The following ARAP3 variants were observed in gnomAD, a reference collection of about 807,000 sequenced individuals.
ARAP3 encodes the protein arf-GAP with Rho-GAP domain, ANK repeat and PH domain-containing protein 3.
Under a neutral mutation model 169.2 loss-of-function variants are expected in ARAP3, and 82 were observed. The observed-to-expected ratio is 0.48, with a 90% CI of 0.41 to 0.58. The LOEUF (loss-of-function observed/expected upper bound fraction) is 0.58, where lower values mean the gene tolerates loss of function less well. ARAP3 is among the 20% of genes least tolerant of loss of function. The pLI is 0.00. For synonymous variants in ARAP3, 791 were observed against 800.3 expected, an observed-to-expected ratio of 0.99 and a Z score of 0.20; for missense variants, 1,764 against 2,018.0, an observed-to-expected ratio of 0.87 and a Z score of 2.41.
chr5:141,669,074 G>A (rs1323791116), intron 16 of ARAP3, among the ~76,000 whole-genome samples: 1 of 152,170 alleles, frequency 6.6e-6, no homozygotes, highest in Non-Finnish European at 1.5e-5. Context: ...AGGGCTTGCT[G>A]TGTGTGGGCC....
At chr5:141,654,496 C>G (rs997913083) in intron 32 of ARAP3, 61 bp from the exon 33 acceptor site, 3 of 1,507,826 alleles carry the variant, frequency 2.0e-6, no homozygotes, top group Non-Finnish European at 2.6e-6. Flanking sequence ...TTATGAATCA[C>G]TAACATTTAC....
In ARAP3 at chr5:141,666,530, T is replaced by C; in HGVS notation, c.2466A>G (p.Ser822=). The C allele has an allele frequency of 6.2e-7, 1 of 1,601,094 alleles. No homozygotes were observed. The highest frequency in any genetic ancestry group is 8.5e-7 in the Non-Finnish European group (1 of 1,174,216). The part of the protein sequence containing the change: ...HTAPAPGLWL[S]GFGLLRGDHL... ...GGTCACCACGAAGGAGGCCAAACCCTGACAGCCAGAGACCAGGGGCCGGGG... is the reference window on the plus strand; with the variant it reads ...GGTCACCACGAAGGAGGCCAAACCCCGACAGCCAGAGACCAGGGGCCGGGG... The change falls in exon 17 of 33, where the codon TCA becomes TCG. Residue 822 remains serine, a synonymous_variant. Transcript: ENST00000239440.
At chr5:141,675,722 CAA>C (rs34858399) in intron 4 of ARAP3, among the ~76,000 whole-genome samples, 2 of 138,372 alleles carry the variant, frequency 1.4e-5, no homozygotes, top group African/African-American at 2.6e-5. Context: ...GACTCTGTCA[CAA>C]AAAAAAAAAA....
In ARAP3 at chr5:141,656,204, G is replaced by C. The variant is rs1239543237; in HGVS notation, c.3862C>G (p.Pro1288Ala). ...VYLGIRKKLK[P>A]PTPWGFTLIL... ...GGGAAGAAAACTCACGGTGTTGGGG[G>C]CTTTAACTTCTTGCGGATTCCCAGG... The change falls in exon 28 of 33, where the codon CCC becomes GCC. Residue 1288 changes from proline (P) to alanine (A), a missense_variant. By Grantham distance (27) the Pro-to-Ala change is conservative (BLOSUM62 -1). This residue lies in a region of ARAP3 where 1,112 missense variants were observed against 1,285.7 expected (regional missense o/e 0.86). Transcript: ENST00000239440. 6.2e-7 allele frequency: 1 copy of C among 1,614,104 alleles called. No individual in the cohort carries two copies.
In ARAP3 at chr5:141,671,533, C is replaced by T. The variant is rs763834421; in HGVS notation, c.1854+37G>A. On this transcript the variant is annotated intron_variant, in intron 12 of 32. Coordinates refer to ENST00000239440, the MANE Select transcript of ARAP3 (RefSeq NM_022481.6). The surrounding 1 kb of genome is among the most constrained non-coding windows in gnomAD (Gnocchi z 4.9). ...CAACTCCAGAGAGTGTTTCCTGACC[C>T]CCCCACCCCAGATCACCCCTGCTCT... 26 of 1,611,674 alleles carry T rather than the reference C, an allele frequency of 1.6e-5. No homozygotes were observed. In the South Asian group the frequency reaches 2.6e-4, roughly 16 times the overall value.
At chr5:141,670,740 G>T in intron 13 of ARAP3, 112 bp from the exon 14 acceptor site, 1 of 846,484 alleles carries the variant, frequency 1.2e-6, no homozygotes, top group Non-Finnish European at 1.9e-6. Flanking sequence ...TCCACTGCCA[G>T]CACAGCCAAG....
rs2099909279 is a variant in ARAP3 at position 141,656,393 on chromosome 5, G to A, written c.3789+111C>T. The A allele has an allele frequency of 1.9e-6, 3 of 1,589,840 alleles. No homozygotes were observed. In the South Asian group the frequency reaches 3.4e-5, roughly 18 times the overall value. ...ACAGGGTCACAGAAGTCGGGGGCAG[G>A]GAAGCAATGAGATTGATGAGAGTAT... On this transcript the variant is annotated intron_variant, in intron 27 of 32. Coordinates refer to ENST00000239440, the MANE Select transcript of ARAP3 (RefSeq NM_022481.6).
intron 21 of ARAP3, among the ~76,000 whole-genome samples, chr5:141,661,354 C>T (rs768527866): frequency 2.6e-5 from 4 of 152,206 alleles, no homozygotes; most frequent in Middle Eastern, 3.2e-3. Context: ...TGAGACACCA[C>T]GCGCCCAGCC....
In ARAP3 at chr5:141,661,838, G is replaced by A. The variant is rs201006466; in HGVS notation, c.3014-49C>T. 8 of 1,592,902 alleles carry A rather than the reference G, an allele frequency of 5.0e-6. No individual in the cohort carries two copies. The East Asian group carries it at 1.6e-4, about 31-fold the overall frequency. ...TGGGGAGGACCCGGGAAGAAAGAGT[G>A]GCAGCTGGTACAGAGGGAGGGATTT... On this transcript the variant is annotated intron_variant, in intron 20 of 32. Coordinates refer to ENST00000239440, the MANE Select transcript of ARAP3 (RefSeq NM_022481.6).
chr5:141,666,514 GA>G lies in ARAP3; in HGVS notation c.2481del (p.Arg828ValfsTer87). 6.2e-7 allele frequency: 1 copy of G among 1,604,316 alleles called. No homozygotes were observed. The highest frequency in any genetic ancestry group is 8.5e-7 in the Non-Finnish European group (1 of 1,175,624). On this transcript the variant is annotated frameshift_variant, in exon 17 of 33. Coordinates refer to ENST00000239440, the MANE Select transcript of ARAP3 (RefSeq NM_022481.6). LOFTEE classifies it high-confidence loss of function. ...GAGCACAGGAAGAGGTGGTCACCAC[GA>G]AGGAGGCCAAACCCTGACAGCCAGA... ...PGLWLSGFGL[L>X]RGDHLFLCSA... is the part of the protein sequence containing the mutation.
rs749770020 is a variant in ARAP3, at chr5:141,664,887, C to T, written c.2800+35G>A. 58 of 521,646 alleles carry T rather than the reference C, an allele frequency of 1.1e-4. No individual in the cohort carries two copies. The Middle Eastern group carries it at 2.3e-3, about 20-fold the overall frequency. The allele number at this position is 521,646 out of a possible 1,614,324, so 32.3% of individuals were successfully genotyped here. A position where few individuals can be genotyped will look rare whatever the true frequency, so the allele number is the denominator to read the frequency against. On this transcript the variant is annotated intron_variant, in intron 19 of 32. Coordinates refer to ENST00000239440, the MANE Select transcript of ARAP3 (RefSeq NM_022481.6). ...CCCCCTCATCACCCCCACCCCCCACCCCCATTGGCTCAGTACCAGCCAGTG... is the reference window on the plus strand; with the variant it reads ...CCCCCTCATCACCCCCACCCCCCACTCCCATTGGCTCAGTACCAGCCAGTG...
At chr5:141,678,639 C>A (rs952326682) in intron 4 of ARAP3, among the ~76,000 whole-genome samples, 2 of 151,814 alleles carry the variant, frequency 1.3e-5, no homozygotes, top group Non-Finnish European at 2.9e-5. Flanking sequence ...AGGCGTCCAC[C>A]ACCGCACCTG....
At position 141,671,337 on chromosome 5, in the gene ARAP3, C is replaced by G; in HGVS notation, c.1918G>C (p.Glu640Gln). Reference sequence around the variant, plus strand: ...CAGGGCTCCTCGCCTTCAAAGGCCTCAACACAGAGGAGCTGGGTCATGTTC... The same window carrying G: ...CAGGGCTCCTCGCCTTCAAAGGCCTGAACACAGAGGAGCTGGGTCATGTTC... The part of the protein sequence containing the change: ...LKNMTQLLCV[E>Q]AFEGEEPWFP... The change falls in exon 13 of 33, where the codon GAG becomes CAG. Residue 640 changes from glutamate to glutamine, a missense_variant. By Grantham distance (29) the Glu-to-Gln change is conservative (BLOSUM62 2). Around this residue, in one of 3 missense-constraint regions of ARAP3, gnomAD observed 1,112 missense variants for 1,285.7 expected, o/e 0.86. Transcript: ENST00000239440. The surrounding 1 kb of genome is among the most constrained non-coding windows in gnomAD (Gnocchi z 4.9). 4 of 1,613,766 alleles carry G rather than the reference C, an allele frequency of 2.5e-6. No homozygotes were observed. Among genetic ancestry groups the G allele is most frequent in the Non-Finnish European group, 3.4e-6 (4 of 1,179,874 alleles).
chr5:141,672,663 TG>T lies in ARAP3; in HGVS notation c.1279-6del, dbSNP rs1177556371. 9 of 1,613,706 alleles carry T rather than the reference TG, an allele frequency of 5.6e-6. No individual in the cohort carries two copies. Among genetic ancestry groups the T allele is most frequent in the Non-Finnish European group, 7.6e-6 (9 of 1,179,878 alleles). ...CCCGATGCCCAGAGAGAAGGCCTGGTGGGGTCAGGGGGTGGGCATCATGAGG... is the reference window on the plus strand; with the variant it reads ...CCCGATGCCCAGAGAGAAGGCCTGGTGGGTCAGGGGGTGGGCATCATGAGG... On this transcript the variant is annotated splice_polypyrimidine_tract_variant and splice_region_variant and intron_variant, in intron 8 of 32. Transcript: ENST00000239440. This position sits in a 1 kb window ranked among gnomAD's most constrained non-coding sequence, Gnocchi z 4.9.
rs772268522 is a variant in ARAP3, at chr5:141,656,768, G to C, written c.3605C>G (p.Ser1202Cys). The change falls in exon 26 of 33, where the codon TCC becomes TGC. Residue 1202 changes from serine (S) to cysteine (C), a missense_variant. Physicochemically the swap from Ser to Cys is moderately radical, Grantham distance 112 (BLOSUM62 -1). Transcript: ENST00000239440. The part of the protein sequence containing the change: ...WCQLPEPCSA[S>C]LLLKKVPLAQ... ...CAGGGGGACTTTTTTCAAGAGCAGGGAAGCTGAGCAGGGCTCTGGGAGCTG... is the reference window on the plus strand; with the variant it reads ...CAGGGGGACTTTTTTCAAGAGCAGGCAAGCTGAGCAGGGCTCTGGGAGCTG... 3 of 1,612,226 alleles carry C rather than the reference G, an allele frequency of 1.9e-6. No homozygotes were observed. The highest frequency in any genetic ancestry group is 3.4e-5 in the Admixed American group (2 of 59,624).
chr5:141,679,783 G>C lies in ARAP3; in HGVS notation c.564C>G (p.Ala188=). ...DSSQISAPTP[A]LRPTTGTVHI... ...TACCTGTGCCTGTTGTGGGCCTGAG[G>C]GCAGGGGTGGGGGCAGAGATTTGGG... is the stretch of plus-strand genomic sequence containing the variant. The change falls in exon 3 of 33, where the codon GCC becomes GCG. Residue 188 remains alanine, a synonymous_variant. Coordinates refer to ENST00000239440, the MANE Select transcript of ARAP3 (RefSeq NM_022481.6). 6.2e-7 allele frequency: 1 copy of C among 1,613,960 alleles called. No individual in the cohort carries two copies. Among genetic ancestry groups the C allele is most frequent in the Non-Finnish European group, 8.5e-7 (1 of 1,179,976 alleles).
intron 25 of ARAP3, 101 bp downstream of exon 25, chr5:141,658,264 A>G: frequency 8.7e-7 from 1 of 1,154,938 alleles, no homozygotes; most frequent in East Asian, 2.5e-5. Flanking sequence ...TCCATGAGTT[A>G]CCATTCATAT....
intron 1 of ARAP3, 94 bp from the exon 2 acceptor site, chr5:141,680,597 A>C (rs2099912825): frequency 7.0e-7 from 1 of 1,435,122 alleles, no homozygotes; most frequent in African/African-American, 1.4e-5. Flanking sequence ...ACCAGCCTCC[A>C]ATCTTCCTCC....
At chr5:141,676,871 G>C (rs2099912252) in intron 4 of ARAP3, among the ~76,000 whole-genome samples, 1 of 152,106 alleles carries the variant, frequency 6.6e-6, no homozygotes, top group African/African-American at 2.4e-5. Flanking sequence ...TAGACTCTAA[G>C]CTCGTCTACC....
Sources: allele counts gnomAD v4.1 joint callset (sites outside exome capture counted in the v4.1 genomes callset), GRCh38; gene constraint gnomAD v4.1.1; regional missense constraint gnomAD v4.1.1; non-coding constraint Gnocchi (gnomAD v3.1); transcripts MANE v1.5; gene names NCBI Gene and HGNC (gene_info 2026-07-23, HGNC 2026-07-21).